TRMT11: variants seen among roughly 807,000 people sequenced by gnomAD.
The protein encoded by TRMT11 is tRNA (guanine(10)-N(2))-methyltransferase TRMT11.
Under a neutral mutation model 62.8 loss-of-function variants are expected in TRMT11, and 53 were observed. That is an observed-to-expected ratio of 0.84 (90% confidence interval 0.68 to 1.06). The LOEUF (loss-of-function observed/expected upper bound fraction) is 1.06, where lower values mean the gene tolerates loss of function less well. Ranked by LOEUF, TRMT11 falls within the 50% of genes least tolerant of loss-of-function variation. The pLI is 0.00. For missense variants in TRMT11, 556 were observed against 553.4 expected, an observed-to-expected ratio of 1.00 and a Z score of -0.05; for synonymous variants, 188 against 190.3, an observed-to-expected ratio of 0.99 and a Z score of 0.10.
intron 21 of TRMT11, among the ~76,000 whole-genome samples, chr6:126,151,806 T>TTGTC (rs1554242197): frequency 4.6e-5 from 4 of 86,880 alleles, no homozygotes; most frequent in African/African-American, 9.6e-5. Flanking sequence ...CCTCTCTGTC[T>TTGTC]TTTCTTTCTT....
At chr6:126,069,814 G>C (rs1055636823) in intron 17 of TRMT11, among the ~76,000 whole-genome samples, 1 of 151,370 alleles carries the variant, frequency 6.6e-6, no homozygotes, top group African/African-American at 2.4e-5. Context: ...TATGATGTGA[G>C]AGGTTGACAG....
At chr6:126,134,609 C>T (rs1206530485) in intron 21 of TRMT11, among the ~76,000 whole-genome samples, 1 of 151,604 alleles carries the variant, frequency 6.6e-6, no homozygotes, top group Admixed American at 6.6e-5. Context: ...AACAAACAAA[C>T]ATTGCTGTTT....
intron 17 of TRMT11, among the ~76,000 whole-genome samples, chr6:126,110,892 G>A (rs759325308): frequency 3.2e-4 from 49 of 152,246 alleles, no homozygotes; most frequent in Non-Finnish European, 5.9e-4. Flanking sequence ...GTGGATTTAT[G>A]TTTGAAATTA....
At chr6:126,187,305 TTA>T (rs982465924) in intron 1 of TRMT11, among the ~76,000 whole-genome samples, 4 of 151,978 alleles carry the variant, frequency 2.6e-5, no homozygotes, top group African/African-American at 9.7e-5. Flanking sequence ...AATTGAATTG[TTA>T]TATACTGGCA....
intron 21 of TRMT11, among the ~76,000 whole-genome samples, chr6:126,125,885 A>C (rs1777712299): frequency 6.6e-6 from 1 of 152,178 alleles, no homozygotes; most frequent in African/African-American, 2.4e-5. Flanking sequence ...TCAACATTTA[A>C]AAATTAAGAG....
upstream of TRMT11, among the ~76,000 whole-genome samples, chr6:126,174,753 G>T (rs1048604653): frequency 6.6e-6 from 1 of 152,178 alleles, no homozygotes; most frequent in Non-Finnish European, 1.5e-5. Context: ...GTCCTTGCCT[G>T]TTAGTTCCTT....
rs917953149 is a variant in TRMT11, at chr6:126,031,662, G to GT, written c.1261-7042dup. ...TCAGTGTAGCTGGAAATACTGAGCA[G>GT]TGGGGGAGGATCAGCTGGAGATGAC... On this transcript the variant is annotated intron_variant, in intron 12 of 12. Transcript: ENST00000334379. Among the ~76,000 whole-genome samples, 52 of 152,188 alleles carry GT rather than the reference G, an allele frequency of 3.4e-4. 1 individual carries two copies. The highest frequency in any genetic ancestry group is 3.1e-3 in the Admixed American group (47 of 15,278).
chr6:126,053,021 T>C (rs1000109155), intron 16 of TRMT11, among the ~76,000 whole-genome samples: 7 of 152,056 alleles, frequency 4.6e-5, no homozygotes, highest in African/African-American at 1.7e-4. Context: ...GAAGACTTGC[T>C]CCTATGGCGG....
chr6:126,025,592 C>T (rs907027365), intron 12 of TRMT11, among the ~76,000 whole-genome samples: 3 of 152,064 alleles, frequency 2.0e-5, no homozygotes, highest in Admixed American at 6.5e-5. Flanking sequence ...TAATTAATTA[C>T]TTCATTTCTA....
chr6:126,049,002 T>C (rs1776137915), intron 16 of TRMT11, among the ~76,000 whole-genome samples: 1 of 152,242 alleles, frequency 6.6e-6, no homozygotes, highest in African/African-American at 2.4e-5. Context: ...GATACGCCTT[T>C]TATTGCTAAA....
the TRMT11 span, among the ~76,000 whole-genome samples, chr6:126,220,495 G>C: frequency 5.3e-5 from 8 of 152,070 alleles, no homozygotes; most frequent in African/African-American, 1.9e-4. Flanking sequence ...TATTGCTTTT[G>C]CTCCCAAATG....
intron 21 of TRMT11, among the ~76,000 whole-genome samples, chr6:126,122,793 T>C (rs1453635694): frequency 2.0e-5 from 3 of 152,152 alleles, no homozygotes; most frequent in Non-Finnish European, 4.4e-5. Flanking sequence ...ACACATTAGA[T>C]AAATTTATAT....
chr6:126,205,982 C>G (rs1778788416), downstream of TRMT11, among the ~76,000 whole-genome samples: 2 of 152,038 alleles, frequency 1.3e-5, no homozygotes, highest in African/African-American at 4.8e-5. Flanking sequence ...CTATATTCCC[C>G]TATGACGATA....
chr6:126,008,049 A>G (rs1366736877), intron 7 of TRMT11, among the ~76,000 whole-genome samples: 1 of 151,998 alleles, frequency 6.6e-6, no homozygotes, highest in Non-Finnish European at 1.5e-5. Flanking sequence ...ACAGCCTTAT[A>G]TGCTCATTTT....
At chr6:126,205,727 G>A (rs992562584), downstream of TRMT11, among the ~76,000 whole-genome samples, 4 of 151,844 alleles carry the variant, frequency 2.6e-5, no homozygotes, top group Admixed American at 1.3e-4. Context: ...TTTTTCTTGT[G>A]TATTCTTATC....
At chr6:126,126,753 C>G (rs1295084561) in intron 21 of TRMT11, among the ~76,000 whole-genome samples, 4 of 152,088 alleles carry the variant, frequency 2.6e-5, no homozygotes, top group African/African-American at 9.7e-5. Context: ...CTTGCCTGGT[C>G]CAGCCTTGCT....
At chr6:126,146,803 C>T (rs1014625441) in intron 21 of TRMT11, among the ~76,000 whole-genome samples, 2 of 152,200 alleles carry the variant, frequency 1.3e-5, no homozygotes, top group African/African-American at 2.4e-5. Flanking sequence ...CAGGCATGAG[C>T]CACTGCGCCC....
At chr6:126,161,797 C>G (rs1583894337) in intron 21 of TRMT11, among the ~76,000 whole-genome samples, 1 of 152,182 alleles carries the variant, frequency 6.6e-6, no homozygotes, top group African/African-American at 2.4e-5. Context: ...GAGATAGTAT[C>G]TCATTTGTGG....
rs538827197 is a variant in TRMT11 at position 126,074,359 on chromosome 6, G to C, written c.*1437+21169G>C. Among the ~76,000 whole-genome samples the C allele has an allele frequency of 5.9e-5, 9 of 152,234 alleles. No homozygotes were observed. The East Asian group carries it at 1.5e-3, about 26-fold the overall frequency. On this transcript the variant is annotated intron_variant and NMD_transcript_variant, in intron 17 of 22. Coordinates refer to the TRMT11 transcript ENST00000648977. ...GAAGCTTTCTTAAGCACAGGGCACA[G>C]GTTTTGTTTCTTCTGACAGGAGCAT...
Sources: allele counts gnomAD v4.1 joint callset (sites outside exome capture counted in the v4.1 genomes callset), GRCh38; gene constraint gnomAD v4.1.1; transcripts MANE v1.5; gene names NCBI Gene and HGNC (gene_info 2026-07-23, HGNC 2026-07-21).